Variants in PMS1 observed in about 807,000 individuals in gnomAD.
PMS1 encodes the protein PMS1 protein homolog 1.
A neutral mutation model predicts 93.1 loss-of-function variants in PMS1; 79 were observed. That is an observed-to-expected ratio of 0.85 (90% CI 0.71 to 1.02). The LOEUF (loss-of-function observed/expected upper bound fraction) is 1.02. Among genes scored for constraint, PMS1 ranks in the 50% least tolerant of loss-of-function variants. The pLI, the probability that PMS1 is intolerant of heterozygous loss-of-function variation, is 0.00. For synonymous variants in PMS1, 335 were observed against 363.4 expected, an observed-to-expected ratio of 0.92 and a Z score of 0.89; for missense variants, 1,064 against 1,085.3, an observed-to-expected ratio of 0.98 and a Z score of 0.28.
At chr2:189,801,736 AT>A (rs199513420) in intron 3 of PMS1, among the ~76,000 whole-genome samples, 2,263 of 148,670 alleles carry the variant, frequency 0.015, 41 homozygotes, top group African/African-American at 0.045. Context: ...TTTTCTGAGA[AT>A]TTTTTTTTTT....
rs1295387114 is a variant in PMS1, at chr2:189,877,530, A to G, written c.*94A>G. On this transcript the variant is annotated 3_prime_UTR_variant, in exon 13 of 13. Coordinates refer to ENST00000441310, the MANE Select transcript of PMS1 (RefSeq NM_000534.5). ...TTAAATTATCTTTGTATTATGTGTC[A>G]CATGGTTATTTTTTAAATGAGGATT... The G allele has an allele frequency of 2.4e-6, 2 of 818,632 alleles. No individual in the cohort carries two copies. The highest frequency in any genetic ancestry group is 4.9e-5 in the Admixed American group (2 of 40,908). 50.7% of individuals were successfully genotyped at this position (818,632 alleles called of 1,614,324 possible).
chr2:189,861,810 T>G (rs1247894045), intron 9 of PMS1, among the ~76,000 whole-genome samples: 1 of 151,630 alleles, frequency 6.6e-6, no homozygotes, highest in Non-Finnish European at 1.5e-5. Context: ...ATATCCATTA[T>G]TTTTGCGGTT....
At chr2:189,856,935 A>T (rs1217994357) in intron 9 of PMS1, among the ~76,000 whole-genome samples, 1 of 152,134 alleles carries the variant, frequency 6.6e-6, no homozygotes, top group Admixed American at 6.6e-5. Context: ...TCCAGGTAAT[A>T]TTCTGGAATC....
chr2:189,852,716 C>CA lies in PMS1; in HGVS notation c.762dup (p.Pro255ThrfsTer51), dbSNP rs1337388425. On this transcript the variant is annotated frameshift_variant, in exon 7 of 13. Transcript: ENST00000441310. LOFTEE classifies it high-confidence loss of function. ...GACCACTCTTTCACTAGTCTTTCAACACCAGAAAGAAGTTTCATCTTCATA... is the reference window on the plus strand; with the variant it reads ...GACCACTCTTTCACTAGTCTTTCAACAACCAGAAAGAAGTTTCATCTTCATA... The CA allele has an allele frequency of 2.5e-6, 4 of 1,579,588 alleles. No individual in the cohort carries two copies. In the African/African-American group the frequency reaches 4.0e-5, roughly 16 times the overall value.
chr2:189,873,509 T>C lies in PMS1; in HGVS notation c.2487T>C (p.Thr829=), dbSNP rs1360575871. 3 of 1,594,154 alleles carry C rather than the reference T, an allele frequency of 1.9e-6. No homozygotes were observed. The highest frequency in any genetic ancestry group is 2.6e-6 in the Non-Finnish European group (3 of 1,162,168). Residue 829 remains threonine (T), a synonymous_variant, in exon 12 of 13, where the codon ACT becomes ACC. Coordinates refer to ENST00000441310, the MANE Select transcript of PMS1 (RefSeq NM_000534.5). ...TTTTTCTTTCAGGAGTTTCAATTACTGAAAATTACTTGGAAATAGAAGGAA... is the reference window on the plus strand; with the variant it reads ...TTTTTCTTTCAGGAGTTTCAATTACCGAAAATTACTTGGAAATAGAAGGAA... ...KIKLIPGVSI[T]ENYLEIEGMA... is the part of the protein sequence containing the mutation.
At chr2:189,864,942 G>A (rs912007811) in intron 10 of PMS1, among the ~76,000 whole-genome samples, 7 of 150,532 alleles carry the variant, frequency 4.7e-5, no homozygotes, top group Non-Finnish European at 8.9e-5. Context: ...AGAAGTATAC[G>A]ATGCATACCT....
In PMS1 at chr2:189,864,129, A is replaced by G; in HGVS notation, c.2243A>G (p.Asn748Ser). The change falls in exon 10 of 13, where the codon AAT (asparagine) becomes AGT (serine). Residue 748 changes from asparagine (N) to serine (S), a missense_variant. Asn to Ser is a conservative substitution (Grantham distance 46, BLOSUM62 1). Transcript: ENST00000441310. ...TCCAAAACAGAGGTAATGTTATTAAATCCATATAGAGTAGAAGAAGCCCTG... is the reference window on the plus strand; with the variant it reads ...TCCAAAACAGAGGTAATGTTATTAAGTCCATATAGAGTAGAAGAAGCCCTG... ...MTSKTEVMLL[N>S]PYRVEEALLF... 1 of 1,612,874 alleles carries G rather than the reference A, an allele frequency of 6.2e-7. No homozygotes were observed. Among genetic ancestry groups the G allele is most frequent in the Non-Finnish European group, 8.5e-7 (1 of 1,179,000 alleles).
At chr2:189,847,253 A>G (rs1486676816) in intron 6 of PMS1, among the ~76,000 whole-genome samples, 1 of 152,032 alleles carries the variant, frequency 6.6e-6, no homozygotes, top group Non-Finnish European at 1.5e-5. Context: ...TGAGCATTTG[A>G]TGTGGATCTT....
At chr2:189,806,419 A>ACAGGGTCT (rs2050350706) in intron 4 of PMS1, 1 of 320,132 alleles carries the variant, frequency 3.1e-6, no homozygotes, top group Admixed American at 4.1e-5. Flanking sequence ...TTTTCCTGAG[A>ACAGGGTCT]CAGGGTCTCA....
chr2:189,793,686 C>T (rs779793729), intron 2 of PMS1, among the ~76,000 whole-genome samples: 11 of 152,128 alleles, frequency 7.2e-5, no homozygotes, highest in Non-Finnish European at 1.6e-4. Context: ...AACAGTGTTA[C>T]AAAGCCAACA....
chr2:189,819,958 G>A (rs1003252936), intron 5 of PMS1, among the ~76,000 whole-genome samples: 1 of 152,138 alleles, frequency 6.6e-6, no homozygotes, highest in African/African-American at 2.4e-5. Flanking sequence ...AGGAAAGAAA[G>A]GTTTATATAT....
At chr2:189,816,085 CAG>C (rs2051270389) in intron 4 of PMS1, among the ~76,000 whole-genome samples, 1 of 152,108 alleles carries the variant, frequency 6.6e-6, no homozygotes, top group Non-Finnish European at 1.5e-5. Context: ...TTTTTAAAGA[CAG>C]GGTCTCACTG....
intron 6 of PMS1, among the ~76,000 whole-genome samples, chr2:189,850,478 A>G (rs1212759269): frequency 1.3e-5 from 2 of 152,200 alleles, no homozygotes; most frequent in African/African-American, 2.4e-5. Flanking sequence ...TGTGACAGCC[A>G]GTTGAAGATG....
chr2:189,832,504 C>T (rs939984767), intron 5 of PMS1, among the ~76,000 whole-genome samples: 2 of 151,824 alleles, frequency 1.3e-5, no homozygotes, highest in Non-Finnish European at 2.9e-5. Context: ...CTCACTCTGT[C>T]GCCCAGGCTG....
intron 2 of PMS1, 134 bp downstream of exon 2, chr2:189,792,075 C>CT (rs2048917029): frequency 1.4e-6 from 1 of 722,546 alleles, no homozygotes; most frequent in South Asian, 1.7e-5. Flanking sequence ...GACCCTTTGT[C>CT]TTAAGAGTAA....
intron 6 of PMS1, among the ~76,000 whole-genome samples, chr2:189,850,769 C>T (rs758349209): frequency 6.6e-6 from 1 of 151,986 alleles, no homozygotes; most frequent in African/African-American, 2.4e-5. Context: ...AGACACTTCC[C>T]AGATGAGAGA....
intron 6 of PMS1, among the ~76,000 whole-genome samples, chr2:189,844,986 T>C (rs114584750): frequency 0.016 from 2,424 of 151,976 alleles, 32 homozygotes; most frequent in Admixed American, 0.032. Context: ...GCCTCCCTAG[T>C]AGCTAGAATT....
At position 189,795,813 on chromosome 2, in the gene PMS1, G is replaced by A. The variant is rs1324848795; in HGVS notation, c.177G>A (p.Glu59=). 3 of 1,613,846 alleles carry A rather than the reference G, an allele frequency of 1.9e-6. No individual in the cohort carries two copies. The African/African-American group carries it at 4.0e-5, about 22-fold the overall frequency. The change falls in exon 3 of 13, where the codon GAG becomes GAA. Residue 59 remains glutamate, a synonymous_variant. Coordinates refer to ENST00000441310, the MANE Select transcript of PMS1 (RefSeq NM_000534.5). ...AAATTGAGGTGCGAGATAACGGGGAGGGTATCAAGGCTGTTGATGCACCTG... is the reference window on the plus strand; with the variant it reads ...AAATTGAGGTGCGAGATAACGGGGAAGGTATCAAGGCTGTTGATGCACCTG... ...FDKIEVRDNG[E]GIKAVDAPVM...
intron 7 of PMS1, among the ~76,000 whole-genome samples, chr2:189,853,520 CTTTTT>C (rs397976954): frequency 7.1e-6 from 1 of 141,382 alleles, no homozygotes; most frequent in African/African-American, 2.6e-5. Context: ...CTTTTCTTTT[CTTTTT>C]TTTTTTTTGA....
Sources: gnomAD v4.1 joint callset for allele counts (sites outside exome capture counted in the v4.1 genomes callset) on GRCh38, gnomAD v4.1.1 for gene constraint, MANE v1.5 for transcripts, NCBI Gene and HGNC (gene_info 2026-07-23, HGNC 2026-07-21) for gene names.